The following IRAK2 variants were observed in gnomAD, a reference collection of about 807,000 sequenced individuals.
IRAK2 encodes the protein interleukin-1 receptor-associated kinase-like 2.
In IRAK2, 57 loss-of-function variants were observed where a neutral mutation model predicts 72.0. The observed-to-expected ratio is 0.79, with a 90% CI of 0.64 to 0.99. The LOEUF is 0.99. Ranked by LOEUF, IRAK2 falls within the 50% of genes least tolerant of loss-of-function variation. The pLI, the probability that IRAK2 is intolerant of heterozygous loss-of-function variation, is 0.00. For synonymous variants in IRAK2, 293 were observed against 312.7 expected, an observed-to-expected ratio of 0.94 and a Z score of 0.67; for missense variants, 790 against 794.4, an observed-to-expected ratio of 0.99 and a Z score of 0.07.
At chr3:10,193,305 C>T (rs944649738) in intron 2 of IRAK2, among the ~76,000 whole-genome samples, 2 of 151,992 alleles carry the variant, frequency 1.3e-5, no homozygotes, top group African/African-American at 2.4e-5. Flanking sequence ...GCAGCTTTCA[C>T]GGATATCCAG....
chr3:10,206,359 A>G (rs1697433407), intron 3 of IRAK2, among the ~76,000 whole-genome samples: 1 of 152,162 alleles, frequency 6.6e-6, no homozygotes, highest in Non-Finnish European at 1.5e-5. Flanking sequence ...GGCTCCCAGC[A>G]GCTGGGGGTC....
At chr3:10,206,889 C>G (rs1377337994) in intron 3 of IRAK2, among the ~76,000 whole-genome samples, 1 of 149,534 alleles carries the variant, frequency 6.7e-6, no homozygotes, top group Admixed American at 6.7e-5. Context: ...CAGTCTCGCT[C>G]TGTCCCCCAG....
intron 3 of IRAK2, among the ~76,000 whole-genome samples, chr3:10,202,405 C>T (rs1575971076): frequency 1.3e-5 from 2 of 152,162 alleles, no homozygotes; most frequent in East Asian, 3.9e-4. Flanking sequence ...GGGTGGATCA[C>T]GAGGTCAGGA....
intron 1 of IRAK2, among the ~76,000 whole-genome samples, chr3:10,172,837 C>CAAAA (rs533137515): frequency 1.1e-4 from 6 of 53,930 alleles, no homozygotes; most frequent in Non-Finnish European, 1.9e-4. Context: ...GACTCTGTCT[C>CAAAA]AAAAAAAAAA....
chr3:10,213,220 C>G lies in IRAK2; in HGVS notation c.542C>G (p.Ser181Cys). The change falls in exon 5 of 13, where the codon TCC becomes TGC. Residue 181 changes from serine to cysteine, a missense_variant. By Grantham distance (112) the Ser-to-Cys change is moderately radical. Coordinates refer to ENST00000256458, the MANE Select transcript of IRAK2 (RefSeq NM_001570.4). Reference sequence around the variant, plus strand: ...CTGGGTCTCCAGGACTTCAGCACCTCCATTCCTAAGCAGGAAAAACTTTTG... The same window carrying G: ...CTGGGTCTCCAGGACTTCAGCACCTGCATTCCTAAGCAGGAAAAACTTTTG... Reference protein sequence around the residue: ...TSSDSKDFSTSIPKQEKLLSL... With the variant: ...TSSDSKDFSTCIPKQEKLLSL... 1 of 1,614,084 alleles carries G rather than the reference C, an allele frequency of 6.2e-7. No individual in the cohort carries two copies. The highest frequency in any genetic ancestry group is 1.1e-5 in the South Asian group (1 of 91,080).
At chr3:10,206,134 A>G (rs1411541249) in intron 3 of IRAK2, among the ~76,000 whole-genome samples, 3 of 152,132 alleles carry the variant, frequency 2.0e-5, no homozygotes, top group Admixed American at 6.5e-5. Flanking sequence ...CCTTGGGACC[A>G]TGGTGCGCCA....
chr3:10,176,115 A>G (rs1696872221), intron 1 of IRAK2, among the ~76,000 whole-genome samples: 1 of 133,162 alleles, frequency 7.5e-6, no homozygotes, highest in Non-Finnish European at 1.6e-5. Flanking sequence ...ATTTTATGGT[A>G]AAACACCAAA....
chr3:10,190,189 C>A (rs1321181880), intron 2 of IRAK2, among the ~76,000 whole-genome samples: 2 of 149,400 alleles, frequency 1.3e-5, no homozygotes, highest in Admixed American at 1.3e-4. Context: ...CTTGCCCCAT[C>A]TGGAAAATGG....
chr3:10,184,760 T>C (rs1683018), intron 2 of IRAK2, among the ~76,000 whole-genome samples: 110,114 of 137,858 alleles, frequency 0.8, 45,512 homozygotes, highest in African/African-American at 0.95. Context: ...GACGGAGCCT[T>C]GCTCTGTCGC....
chr3:10,197,140 G>A lies in IRAK2; in HGVS notation c.278-3229G>A, dbSNP rs181248907. 8.4e-3 allele frequency among the ~76,000 whole-genome samples: 1,271 copies of A among 152,168 alleles called. 6 individuals carry two copies. Among genetic ancestry groups the A allele is most frequent in the Non-Finnish European group, 0.015 (993 of 67,998 alleles). ...TGTCTGTAATCCCAGCACTTTGGGA[G>A]GCCGAGGCAGGTTGATCACTTGAGG... is the stretch of plus-strand genomic sequence containing the variant. On this transcript the variant is annotated intron_variant, in intron 2 of 12. Coordinates refer to ENST00000256458, the MANE Select transcript of IRAK2 (RefSeq NM_001570.4).
intron 6 of IRAK2, among the ~76,000 whole-genome samples, chr3:10,214,355 GC>G (rs1449023261): frequency 4.6e-5 from 7 of 151,064 alleles, no homozygotes; most frequent in Non-Finnish European, 1.0e-4. Flanking sequence ...CCTCTGAGAA[GC>G]TGGGACTACA....
intron 1 of IRAK2, among the ~76,000 whole-genome samples, chr3:10,173,803 C>T (rs1696832273): frequency 6.6e-6 from 1 of 152,056 alleles, no homozygotes; most frequent in Non-Finnish European, 1.5e-5. Context: ...CCAGCCTGGG[C>T]AGCAGAGCAA....
chr3:10,195,341 G>T (rs1470527142), intron 2 of IRAK2, among the ~76,000 whole-genome samples: 1 of 152,166 alleles, frequency 6.6e-6, no homozygotes, highest in Non-Finnish European at 1.5e-5. Flanking sequence ...AGGATCACTG[G>T]GGCCTAGGAG....
rs1215873975 is a variant in IRAK2 at position 10,222,661 on chromosome 3, C to G, written c.1039C>G (p.Leu347Val). 1 of 1,614,124 alleles carries G rather than the reference C, an allele frequency of 6.2e-7. No individual in the cohort carries two copies. The highest frequency in any genetic ancestry group is 1.1e-5 in the South Asian group (1 of 91,082). The change falls in exon 9 of 13, where the codon CTC (leucine) becomes GTC (valine). Residue 347 changes from leucine (L) to valine (V), a missense_variant. By Grantham distance (32) the Leu-to-Val change is conservative (BLOSUM62 1). Transcript: ENST00000256458. ...KSSNVLLDQN[L>V]TPKLAHPMAH... is the part of the protein sequence containing the mutation. ...CTCTAATGTCTTGCTGGACCAAAATCTCACCCCCAAACTTGCTCACCCAAT... is the reference window on the plus strand; with the variant it reads ...CTCTAATGTCTTGCTGGACCAAAATGTCACCCCCAAACTTGCTCACCCAAT...
intron 4 of IRAK2, among the ~76,000 whole-genome samples, chr3:10,210,148 T>C (rs1008158178): frequency 6.6e-6 from 1 of 152,174 alleles, no homozygotes; most frequent in African/African-American, 2.4e-5. Flanking sequence ...CTCGAACTCC[T>C]GACGTCAGGT....
chr3:10,197,404 A>C (rs983725098), intron 2 of IRAK2, among the ~76,000 whole-genome samples: 2 of 151,340 alleles, frequency 1.3e-5, no homozygotes, highest in African/African-American at 4.9e-5. Flanking sequence ...AAAAAGAAAA[A>C]GAAAAAGAAA....
intron 8 of IRAK2, among the ~76,000 whole-genome samples, chr3:10,220,688 G>A (rs1440604011): frequency 6.6e-6 from 1 of 152,022 alleles, no homozygotes; most frequent in African/African-American, 2.4e-5. Flanking sequence ...TGATCCACCC[G>A]CCTTGGTCTC....
chr3:10,234,051 C>G (rs753560838), intron 10 of IRAK2, among the ~76,000 whole-genome samples: 2 of 152,030 alleles, frequency 1.3e-5, no homozygotes, highest in South Asian at 2.1e-4. Flanking sequence ...CTAGTAGAGA[C>G]GGGGTTTCGC....
intron 3 of IRAK2, among the ~76,000 whole-genome samples, chr3:10,200,886 G>A (rs2125151888): frequency 6.6e-6 from 1 of 152,300 alleles, no homozygotes; most frequent in South Asian, 2.1e-4. Flanking sequence ...GGGTGACAGA[G>A]CGAGACTCTT....
Sources: allele counts gnomAD v4.1 joint callset (sites outside exome capture counted in the v4.1 genomes callset), GRCh38; gene constraint gnomAD v4.1.1; transcripts MANE v1.5; gene names NCBI Gene and HGNC (gene_info 2026-07-23, HGNC 2026-07-21).